SMARCA4: variants seen among roughly 807,000 people sequenced by gnomAD.
SMARCA4 encodes the protein SWI/SNF related BAF chromatin remodeling complex subunit ATPase 4, also known as SWI/SNF-related matrix-associated actin-dependent regulator of chromatin subfamily A member 4.
SMARCA4 carries 31 observed loss-of-function variants against 193.9 expected under a neutral mutation model. That is an observed-to-expected ratio of 0.16 (90% CI 0.12 to 0.22). The LOEUF (loss-of-function observed/expected upper bound fraction) is 0.22. Ranked by LOEUF, SMARCA4 falls within the 10% of genes least tolerant of loss-of-function variation. SMARCA4 has a pLI of 1.00. For missense variants in SMARCA4, 1,148 were observed against 2,296.0 expected, an observed-to-expected ratio of 0.50 and a Z score of 10.22; for synonymous variants, 942 against 933.1, an observed-to-expected ratio of 1.01 and a Z score of -0.17.
chr19:10,968,781 G>T (rs1447573566), intron 1 of SMARCA4, among the ~76,000 whole-genome samples: 1 of 152,160 alleles, frequency 6.6e-6, no homozygotes, highest in African/African-American at 2.4e-5. Flanking sequence ...TGCTGTGTGC[G>T]ACCCATCTTG....
intron 1 of SMARCA4, among the ~76,000 whole-genome samples, chr19:10,971,649 G>A (rs915632147): frequency 3.3e-5 from 5 of 151,966 alleles, no homozygotes; most frequent in Non-Finnish European, 7.4e-5. Context: ...TGTATTTTTC[G>A]TAGAGACGAG....
chr19:10,969,649 C>A (rs1259605351), intron 1 of SMARCA4, among the ~76,000 whole-genome samples: 1 of 151,704 alleles, frequency 6.6e-6, no homozygotes, highest in Non-Finnish European at 1.5e-5. Context: ...AGGCTGGTCT[C>A]AAACTCCTGA....
chr19:11,018,033 CCTT>C (rs1426433127), intron 16 of SMARCA4, among the ~76,000 whole-genome samples: 3 of 152,382 alleles, frequency 2.0e-5, no homozygotes, highest in East Asian at 1.9e-4. Flanking sequence ...AGCCATGCGT[CCTT>C]CTGTCTATTG....
intron 1 of SMARCA4, chr19:10,983,357 C>T (rs995916512): frequency 6.6e-6 from 1 of 151,592 alleles, no homozygotes; most frequent in Admixed American, 6.6e-5. Context: ...GGTCTTACTA[C>T]TTTCAATGGA....
rs774051980 is a variant in SMARCA4, at chr19:10,987,643, C to T, written c.860-23C>T. The T allele has an allele frequency of 1.1e-5, 17 of 1,612,696 alleles. No individual in the cohort carries two copies. The highest frequency in any genetic ancestry group is 1.6e-4 in the Middle Eastern group (1 of 6,084). On this transcript the variant is annotated intron_variant, in intron 5 of 34. Transcript: ENST00000344626. The surrounding 1 kb of genome is among the most constrained non-coding windows in gnomAD (Gnocchi z 5.3). ...TGGGCCCCAGAGCTCAACATGACGC[C>T]CTGGCCCCTTGCCTTCTCCCAGGAC...
chr19:11,008,980 A>T (rs2088523100), intron 14 of SMARCA4, among the ~76,000 whole-genome samples: 1 of 150,616 alleles, frequency 6.6e-6, no homozygotes. Context: ...TCTCAAAAAA[A>T]AAAAAAATGT....
chr19:10,985,145 TG>T lies in SMARCA4; in HGVS notation c.223-124del. 1.1e-6 allele frequency: 1 copy of T among 916,920 alleles called. No homozygotes were observed. Among genetic ancestry groups the T allele is most frequent in the Non-Finnish European group, 1.8e-6 (1 of 566,582 alleles). 56.8% of individuals were successfully genotyped at this position (916,920 alleles called of 1,614,324 possible). Reference sequence around the variant, plus strand: ...CTTGCCTTGGAGTCATGCTGGGGACTGGGGAGATGCGCGTCATCTTCGGGTG... The same window carrying T: ...CTTGCCTTGGAGTCATGCTGGGGACTGGGAGATGCGCGTCATCTTCGGGTG... On this transcript the variant is annotated intron_variant, in intron 2 of 34. Coordinates refer to ENST00000344626, the MANE Select transcript of SMARCA4 (RefSeq NM_003072.5). The surrounding 1 kb of genome is among the most constrained non-coding windows in gnomAD (Gnocchi z 4.5).
chr19:10,998,324 A>G (rs1481428055), intron 11 of SMARCA4, among the ~76,000 whole-genome samples: 1 of 152,128 alleles, frequency 6.6e-6, no homozygotes, highest in Non-Finnish European at 1.5e-5. Flanking sequence ...TCGAGAGTGC[A>G]TGGCGGAGGT....
intron 30 of SMARCA4, among the ~76,000 whole-genome samples, chr19:11,051,005 T>TG (rs915960701): frequency 6.6e-6 from 1 of 152,238 alleles, no homozygotes; most frequent in African/African-American, 2.4e-5. Flanking sequence ...GGGCATAGGC[T>TG]GGGTGCAGGG....
At chr19:11,003,534 G>A in intron 13 of SMARCA4, 137 bp downstream of exon 13, 3 of 809,288 alleles carry the variant, frequency 3.7e-6, no homozygotes, top group South Asian at 2.8e-5. Flanking sequence ...CCTGCCCGAA[G>A]TCGGTGCTTT....
In SMARCA4 at chr19:11,058,688, A is replaced by C; in HGVS notation, c.4534-100A>C. 9.9e-7 allele frequency: 1 copy of C among 1,014,748 alleles called. No individual in the cohort carries two copies. The highest frequency in any genetic ancestry group is 1.5e-6 in the Non-Finnish European group (1 of 647,916). The allele number at this position is 1,014,748 out of a possible 1,614,324, so 62.9% of individuals were successfully genotyped here. On this transcript the variant is annotated intron_variant, in intron 31 of 34. Coordinates refer to ENST00000344626, the MANE Select transcript of SMARCA4 (RefSeq NM_003072.5). The surrounding 1 kb of genome is among the most constrained non-coding windows in gnomAD (Gnocchi z 5.8). Reference sequence around the variant, plus strand: ...GCGCTTCGGCCACATCCTCATAGGCACGAGGAATCCTAGCCCGTGGGGTCT... The same window carrying C: ...GCGCTTCGGCCACATCCTCATAGGCCCGAGGAATCCTAGCCCGTGGGGTCT...
At chr19:11,014,775 T>A (rs866505476) in intron 16 of SMARCA4, among the ~76,000 whole-genome samples, 27 of 152,280 alleles carry the variant, frequency 1.8e-4, no homozygotes, top group Middle Eastern at 3.4e-3. Flanking sequence ...CTTTAAAAAA[T>A]TTTTTTAAAC....
At chr19:11,016,692 T>G (rs1030448646) in intron 16 of SMARCA4, among the ~76,000 whole-genome samples, 1 of 152,202 alleles carries the variant, frequency 6.6e-6, no homozygotes, top group Non-Finnish European at 1.5e-5. Flanking sequence ...CGGATATTTA[T>G]TTAGTACTCC....
chr19:11,011,865 C>T (rs2088882148), intron 15 of SMARCA4: 1 of 152,214 alleles, frequency 6.6e-6, no homozygotes, highest in Non-Finnish European at 1.5e-5. Flanking sequence ...GAGTGGGGCA[C>T]CACCAGGTGG....
At position 11,058,212 on chromosome 19, in the gene SMARCA4, G is replaced by C; in HGVS notation, c.4425-43G>C. The C allele has an allele frequency of 1.5e-6, 2 of 1,372,702 alleles. No individual in the cohort carries two copies. The highest frequency in any genetic ancestry group is 1.7e-5 in the Admixed American group (1 of 59,700). The allele number at this position is 1,372,702 out of a possible 1,614,324, so 85.0% of individuals were successfully genotyped here. On this transcript the variant is annotated intron_variant, in intron 30 of 34. Coordinates refer to ENST00000344626, the MANE Select transcript of SMARCA4 (RefSeq NM_003072.5). The surrounding 1 kb of genome is among the most constrained non-coding windows in gnomAD (Gnocchi z 5.8). ...GCTGAGGTGGGGTGGGGGCTCCCGG[G>C]TGGGCGGACTCGGGGGTGATAGCCG... is the stretch of plus-strand genomic sequence containing the variant.
intron 34 of SMARCA4, among the ~76,000 whole-genome samples, chr19:11,061,196 A>T (rs1457784723): frequency 4.7e-5 from 4 of 85,876 alleles, no homozygotes; most frequent in African/African-American, 1.8e-4. Flanking sequence ...TTTAAAAAAA[A>T]AAAAAAAAAT....
At position 10,986,061 on chromosome 19, in the gene SMARCA4, T is replaced by G; in HGVS notation, c.356-128T>G. On this transcript the variant is annotated intron_variant, in intron 3 of 34. Transcript: ENST00000344626. The surrounding 1 kb of genome is among the most constrained non-coding windows in gnomAD (Gnocchi z 6.7). ...GCATGTGCCCTCCAGGTGCCCCTGG[T>G]TGACTCAAGAGAAGGATGCCATTTG... is the stretch of plus-strand genomic sequence containing the variant. 1 of 821,056 alleles carries G rather than the reference T, an allele frequency of 1.2e-6. No individual in the cohort carries two copies. The allele number at this position is 821,056 out of a possible 1,614,324, so 50.9% of individuals were successfully genotyped here.
In SMARCA4 at chr19:10,996,475, T is replaced by A. The variant is rs774084900; in HGVS notation, c.1762-19T>A. The stretch of plus-strand genomic sequence containing the variant: ...AGCCTTGTGGGTCAGGGCCTGACCG[T>A]GTCTCTCTCTATTTCCAGAAGGCAG... On this transcript the variant is annotated intron_variant, in intron 10 of 34. Coordinates refer to ENST00000344626, the MANE Select transcript of SMARCA4 (RefSeq NM_003072.5). 4 of 1,614,094 alleles carry A rather than the reference T, an allele frequency of 2.5e-6. No individual in the cohort carries two copies. The South Asian group carries it at 4.4e-5, about 18-fold the overall frequency.
At chr19:11,051,160 C>T (rs996577963) in intron 30 of SMARCA4, among the ~76,000 whole-genome samples, 4 of 152,262 alleles carry the variant, frequency 2.6e-5, no homozygotes, top group Non-Finnish European at 5.9e-5. Context: ...AGAAGCTCCC[C>T]CTCCTCTGTT....
Sources: allele counts gnomAD v4.1 joint callset (sites outside exome capture counted in the v4.1 genomes callset), GRCh38; gene constraint gnomAD v4.1.1; non-coding constraint Gnocchi (gnomAD v3.1); transcripts MANE v1.5; gene names NCBI Gene and HGNC (gene_info 2026-07-23, HGNC 2026-07-21).